AGBL3: variants seen among roughly 807,000 people sequenced by gnomAD.
AGBL3 encodes the protein cytosolic carboxypeptidase 3.
In AGBL3, 68 loss-of-function variants were observed where a neutral mutation model predicts 94.5. The observed-to-expected ratio is 0.72, with a 90% CI of 0.59 to 0.88. AGBL3 has a LOEUF of 0.88. Among genes scored for constraint, AGBL3 ranks in the 40% least tolerant of loss-of-function variants. The pLI is 0.00. For missense variants in AGBL3, 934 were observed against 1,103.8 expected (o/e 0.85, Z 2.18); for synonymous variants, 354 against 370.7 (o/e 0.95, Z 0.52).
intron 1 of AGBL3, among the ~76,000 whole-genome samples, chr7:134,987,207 G>C (rs1231940451): frequency 6.6e-6 from 1 of 152,204 alleles, no homozygotes; most frequent in African/African-American, 2.4e-5. Flanking sequence ...CCTGTAGAGA[G>C]GGGCGTAAAC....
chr7:135,093,026 C>A (rs1374192579), intron 15 of AGBL3: 1 of 133,448 alleles, frequency 7.5e-6, no homozygotes, highest in Non-Finnish European at 1.6e-5. Flanking sequence ...AAGATAGAAT[C>A]TTCCTCTACT....
intron 16 of AGBL3, among the ~76,000 whole-genome samples, chr7:135,132,750 A>C (rs779019202): frequency 6.6e-6 from 1 of 152,180 alleles, no homozygotes; most frequent in African/African-American, 2.4e-5. Context: ...CATGTAAGAC[A>C]TGACTTTGCT....
At position 134,989,270 on chromosome 7, in the gene AGBL3, A is replaced by G; in HGVS notation, c.84A>G (p.Lys28=). Residue 28 remains lysine (K), a synonymous_variant, in exon 3 of 17, where the codon AAA becomes AAG. Coordinates refer to ENST00000436302, the MANE Select transcript of AGBL3 (RefSeq NM_178563.4). ...EDESDEDMFM[K]FVSEDLHRCA... is the part of the protein sequence containing the mutation. ...TTTAGGATGAGGATATGTTCATGAA[A>G]TTTGTAAGTGAAGATCTTCATCGGT... 1 of 1,547,686 alleles carries G rather than the reference A, an allele frequency of 6.5e-7. No homozygotes were observed.
At chr7:135,111,181 A>C (rs1007562293) in intron 15 of AGBL3, among the ~76,000 whole-genome samples, 1 of 116,114 alleles carries the variant, frequency 8.6e-6, no homozygotes, top group East Asian at 2.0e-4. Flanking sequence ...GTTTCAAAGA[A>C]ATAAATATCC....
chr7:135,017,508 C>T (rs541247634), intron 5 of AGBL3, among the ~76,000 whole-genome samples: 1 of 152,274 alleles, frequency 6.6e-6, no homozygotes, highest in South Asian at 2.1e-4. Context: ...TTCATGCATT[C>T]GTTCAGATGT....
At chr7:135,037,310 ATATAAGAAATTG>A in intron 7 of AGBL3, 96 bp from the exon 8 acceptor site, 1 of 889,956 alleles carries the variant, frequency 1.1e-6, no homozygotes. Flanking sequence ...GAAAGCTAGG[ATATAAGAAATTG>A]TATTTATTTG....
chr7:135,125,373 C>G (rs1827733607), intron 16 of AGBL3, among the ~76,000 whole-genome samples: 1 of 152,010 alleles, frequency 6.6e-6, no homozygotes, highest in Non-Finnish European at 1.5e-5. Context: ...AGACCAATAG[C>G]AAGTTCTGAA....
At chr7:135,083,832 ACC>A (rs1821113020) in intron 15 of AGBL3, among the ~76,000 whole-genome samples, 1 of 152,244 alleles carries the variant, frequency 6.6e-6, no homozygotes, top group Admixed American at 6.5e-5. Flanking sequence ...CAAAAGAATT[ACC>A]AAAAGAGTTT....
intron 16 of AGBL3, among the ~76,000 whole-genome samples, chr7:135,125,893 C>A (rs1827804182): frequency 6.6e-6 from 1 of 152,136 alleles, no homozygotes; most frequent in Non-Finnish European, 1.5e-5. Flanking sequence ...TGGAACATAT[C>A]TCAAAATAAT....
chr7:135,000,328 T>C (rs184698525), intron 4 of AGBL3, among the ~76,000 whole-genome samples: 2 of 152,312 alleles, frequency 1.3e-5, no homozygotes, highest in East Asian at 3.9e-4. Context: ...AGCATTTGAA[T>C]TGGTAGATTC....
At chr7:135,088,541 C>G (rs1031688020) in intron 15 of AGBL3, among the ~76,000 whole-genome samples, 1 of 152,024 alleles carries the variant, frequency 6.6e-6, no homozygotes, top group Non-Finnish European at 1.5e-5. Flanking sequence ...ATGTAGTATT[C>G]CCTAGATTAT....
chr7:135,016,087 TA>T lies in AGBL3; in HGVS notation c.311-964del, dbSNP rs1399678726. On this transcript the variant is annotated intron_variant, in intron 4 of 16. Transcript: ENST00000436302. ...AAAAATCAGCATACACCAAGGCAAA[TA>T]GCTGAAATTCCTAATGTTTTCAGAA... 6.0e-5 allele frequency among the ~76,000 whole-genome samples: 9 copies of T among 151,098 alleles called. No individual in the cohort carries two copies. The East Asian group carries it at 1.7e-3, about 29-fold the overall frequency.
chr7:135,009,482 G>A (rs1386696205), intron 4 of AGBL3, among the ~76,000 whole-genome samples: 2 of 44,852 alleles, frequency 4.5e-5, no homozygotes, highest in African/African-American at 9.6e-5. Flanking sequence ...TAGTGTGGTA[G>A]TGTTGGGATT....
At chr7:135,097,097 A>T (rs1465986110) in intron 15 of AGBL3, among the ~76,000 whole-genome samples, 1 of 150,112 alleles carries the variant, frequency 6.7e-6, no homozygotes, top group African/African-American at 2.5e-5. Flanking sequence ...ATGAATGCTT[A>T]TCACATCAAC....
intron 11 of AGBL3, among the ~76,000 whole-genome samples, chr7:135,053,760 G>A (rs1182657848): frequency 6.6e-6 from 1 of 152,056 alleles, no homozygotes; most frequent in Non-Finnish European, 1.5e-5. Flanking sequence ...GATTCTAATG[G>A]ATACTGTCAA....
intron 15 of AGBL3, among the ~76,000 whole-genome samples, chr7:135,095,716 T>C (rs1455250483): frequency 6.6e-6 from 1 of 152,252 alleles, no homozygotes; most frequent in African/African-American, 2.4e-5. Context: ...AAAGTCACTG[T>C]CACTTTTTTT....
chr7:135,111,948 C>G (rs2117147024), intron 15 of AGBL3, among the ~76,000 whole-genome samples: 1 of 152,232 alleles, frequency 6.6e-6, no homozygotes, highest in South Asian at 2.1e-4. Flanking sequence ...TCCGCACAGG[C>G]ACTTCTATTC....
Position 135,045,523 on chromosome 7 carries a change from A to G in AGBL3, c.1677A>G (p.Gly559=). The part of the protein sequence containing the change: ...HFSTKDLESM[G]YHFCDSLLDY... ...GCACGAAAGACCTGGAATCAATGGGATATCATTTTTGTGATTCTCTCTTGG... is the reference window on the plus strand; with the variant it reads ...GCACGAAAGACCTGGAATCAATGGGGTATCATTTTTGTGATTCTCTCTTGG... Residue 559 remains glycine, a synonymous_variant, in exon 10 of 17, where the codon GGA becomes GGG. Transcript: ENST00000436302. 2 of 1,551,200 alleles carry G rather than the reference A, an allele frequency of 1.3e-6. No individual in the cohort carries two copies. Among genetic ancestry groups the G allele is most frequent in the South Asian group, 1.2e-5 (1 of 84,050 alleles).
chr7:135,031,263 T>G (rs971857060), intron 5 of AGBL3, among the ~76,000 whole-genome samples: 3 of 152,098 alleles, frequency 2.0e-5, no homozygotes, highest in Non-Finnish European at 4.4e-5. Flanking sequence ...TTTTATTTAT[T>G]TATTTATTTA....
Sources: allele counts gnomAD v4.1 joint callset (sites outside exome capture counted in the v4.1 genomes callset), GRCh38; gene constraint gnomAD v4.1.1; transcripts MANE v1.5; gene names NCBI Gene and HGNC (gene_info 2026-07-23, HGNC 2026-07-21).